Variants in PSMD12 observed in about 807,000 individuals in gnomAD.
PSMD12 encodes the protein 26S proteasome non-ATPase regulatory subunit 12.
PSMD12 carries 8 observed loss-of-function variants against 62.9 expected under a neutral mutation model. The observed-to-expected ratio is 0.13, with a 90% CI of 0.07 to 0.23. The LOEUF (loss-of-function observed/expected upper bound fraction) is 0.23. Ranked by LOEUF, PSMD12 falls within the 10% of genes least tolerant of loss-of-function variation. The pLI is 1.00. For synonymous variants in PSMD12, 173 were observed against 187.4 expected (o/e 0.92, Z 0.63); for missense variants, 424 against 550.2 (o/e 0.77, Z 2.29).
Position 67,348,639 on chromosome 17 carries a change from C to A in PSMD12, c.421G>T (p.Glu141Ter). The change falls in exon 5 of 11, where the codon GAG becomes TAG. Residue 141 changes from glutamate (E) to a stop codon, truncating the protein, a stop_gained. Transcript: ENST00000356126. LOFTEE classifies it high-confidence loss of function. Reference protein sequence around the residue: ...VTEGKIYVEIERARLTKTLAT... With the variant: ...VTEGKIYVEI ...AATGTTTTAGTCAGTCGCGCACGCT[C>A]AATTTCAACATAAATCTACAAATGA... 1 of 1,609,756 alleles carries A rather than the reference C, an allele frequency of 6.2e-7. No homozygotes were observed. Among genetic ancestry groups the A allele is most frequent in the South Asian group, 1.1e-5 (1 of 89,928 alleles).
intron 8 of PSMD12, 55 bp from the exon 9 acceptor site, chr17:67,344,835 A>G (rs2041949266): frequency 6.7e-6 from 9 of 1,352,780 alleles, no homozygotes; most frequent in Non-Finnish European, 8.9e-6. Flanking sequence ...AGTATTAACT[A>G]ATATAATAGC....
At chr17:67,350,852 A>T (rs1251404736) in intron 3 of PSMD12, among the ~76,000 whole-genome samples, 1 of 152,196 alleles carries the variant, frequency 6.6e-6, no homozygotes, top group Non-Finnish European at 1.5e-5. Context: ...ACATTCTATG[A>T]TCCAGGTCAC....
chr17:67,344,097 G>A (rs1445608683), intron 9 of PSMD12, among the ~76,000 whole-genome samples: 2 of 152,146 alleles, frequency 1.3e-5, no homozygotes, highest in Admixed American at 1.3e-4. Context: ...TTACATGAAG[G>A]AGTGAATGGC....
intron 4 of PSMD12, among the ~76,000 whole-genome samples, chr17:67,349,174 C>G (rs1448548837): frequency 6.6e-6 from 1 of 152,122 alleles, no homozygotes; most frequent in African/African-American, 2.4e-5. Context: ...CATGCGCCAC[C>G]ACGCCCAGCT....
intron 3 of PSMD12, among the ~76,000 whole-genome samples, chr17:67,355,186 C>T (rs2042056991): frequency 6.6e-6 from 1 of 151,160 alleles, no homozygotes; most frequent in South Asian, 2.1e-4. Flanking sequence ...TCTGCCTCCC[C>T]AGTCAACTGA....
intron 1 of PSMD12, among the ~76,000 whole-genome samples, chr17:67,363,162 T>C (rs1363424918): frequency 6.6e-6 from 1 of 152,210 alleles, no homozygotes; most frequent in Non-Finnish European, 1.5e-5. Flanking sequence ...ACAACTTTTT[T>C]TTTTTAAGAG....
At chr17:67,363,921 T>C (rs1408718198) in intron 1 of PSMD12, among the ~76,000 whole-genome samples, 3 of 151,954 alleles carry the variant, frequency 2.0e-5, no homozygotes, top group Non-Finnish European at 2.9e-5. Context: ...TAGTGGTGCA[T>C]GCCGGTAATC....
intron 4 of PSMD12, among the ~76,000 whole-genome samples, chr17:67,348,952 GGCCACT>G (rs1567955186): frequency 2.6e-5 from 4 of 152,040 alleles, no homozygotes; most frequent in African/African-American, 7.2e-5. Context: ...GCCATGATCA[GGCCACT>G]GCACTCTAGC....
intron 5 of PSMD12, among the ~76,000 whole-genome samples, chr17:67,348,199 A>C (rs997389150): frequency 2.6e-5 from 4 of 152,206 alleles, no homozygotes; most frequent in Non-Finnish European, 4.4e-5. Flanking sequence ...AGAAACTGCC[A>C]AACTGTTTTC....
rs766213525 is a variant in PSMD12 at position 67,339,592 on chromosome 17, G to A, written c.*1251C>T. On this transcript the variant is annotated 3_prime_UTR_variant, in exon 11 of 11. Coordinates refer to ENST00000356126, the MANE Select transcript of PSMD12 (RefSeq NM_002816.5). The stretch of plus-strand genomic sequence containing the variant: ...CCTGGGATCATAAAATAGGACAATT[G>A]ATAATCTTCCATTAAGTGGAAAATT... 2.6e-4 allele frequency: 40 copies of A among 152,146 alleles called. No individual in the cohort carries two copies. Among genetic ancestry groups the A allele is most frequent in the Non-Finnish European group, 3.1e-4 (21 of 68,032 alleles). The allele number at this position is 152,146 out of a possible 1,614,324, so 9.4% of individuals were successfully genotyped here. A position where few individuals can be genotyped will look rare whatever the true frequency, so the allele number is the denominator to read the frequency against.
intron 7 of PSMD12, 96 bp from the exon 8 acceptor site, chr17:67,345,953 A>C: frequency 6.8e-6 from 8 of 1,184,040 alleles, no homozygotes; most frequent in Non-Finnish European, 7.2e-6. Context: ...TATCCATTTC[A>C]AATTTTAAAG....
At chr17:67,351,606 G>A (rs779100706) in intron 3 of PSMD12, among the ~76,000 whole-genome samples, 2 of 151,732 alleles carry the variant, frequency 1.3e-5, no homozygotes, top group Non-Finnish European at 2.9e-5. Flanking sequence ...TTAGATTCAG[G>A]GGGTACATGT....
In PSMD12 at chr17:67,358,657, G is replaced by A. The variant is rs531753774; in HGVS notation, c.109-1079C>T. On this transcript the variant is annotated intron_variant, in intron 1 of 10. Coordinates refer to ENST00000356126, the MANE Select transcript of PSMD12 (RefSeq NM_002816.5). ...TTATGAAGTTACCGTCACCCTAACA[G>A]ATATTTTAAAATACAGAGTTCCAAG... is the stretch of plus-strand genomic sequence containing the variant. Among the ~76,000 whole-genome samples the A allele has an allele frequency of 5.9e-4, 88 of 150,012 alleles. 1 individual carries two copies. The highest frequency in any genetic ancestry group is 6.4e-4 in the South Asian group (3 of 4,698).
intron 5 of PSMD12, 96 bp downstream of exon 5, chr17:67,348,454 C>A: frequency 1.0e-6 from 1 of 993,314 alleles, no homozygotes; most frequent in African/African-American, 1.6e-5. Context: ...TTATTGGTCC[C>A]AAACATTTTG....
chr17:67,366,454 G>T lies in PSMD12; in HGVS notation c.66C>A (p.Ala22=), dbSNP rs754474820. ...ACTCGGGTAGGCGCTGATCCACCGTGGCGCTGTAGTCCACCTCCATCTTGA... is the reference window on the plus strand; with the variant it reads ...ACTCGGGTAGGCGCTGATCCACCGTTGCGCTGTAGTCCACCTCCATCTTGA... ...RIVKMEVDYS[A]TVDQRLPECA... The change falls in exon 1 of 11, where the codon GCC becomes GCA. Residue 22 remains alanine (A), a synonymous_variant. Transcript: ENST00000356126. 6.2e-7 allele frequency: 1 copy of T among 1,612,416 alleles called. No homozygotes were observed. Among genetic ancestry groups the T allele is most frequent in the East Asian group, 2.2e-5 (1 of 44,848 alleles).
At position 67,347,489 on chromosome 17, in the gene PSMD12, G is replaced by A; in HGVS notation, c.511-4C>T. On this transcript the variant is annotated splice_polypyrimidine_tract_variant and splice_region_variant and intron_variant, in intron 5 of 10. Transcript: ENST00000356126. Reference sequence around the variant, plus strand: ...CCATTGACCCGTAGGTTTCCACCTAGCACAGTAATTCCCCAAATAAGTTTA... The same window carrying A: ...CCATTGACCCGTAGGTTTCCACCTAACACAGTAATTCCCCAAATAAGTTTA... 1 of 1,604,642 alleles carries A rather than the reference G, an allele frequency of 6.2e-7. No individual in the cohort carries two copies. The highest frequency in any genetic ancestry group is 8.5e-7 in the Non-Finnish European group (1 of 1,177,660).
intron 3 of PSMD12, 138 bp from the exon 4 acceptor site, chr17:67,350,474 C>T: frequency 1.9e-6 from 1 of 532,284 alleles, no homozygotes. Flanking sequence ...AAGAACATCA[C>T]ATCGAAATCT....
intron 8 of PSMD12, among the ~76,000 whole-genome samples, chr17:67,345,406 C>A (rs2041955443): frequency 6.6e-6 from 1 of 152,132 alleles, no homozygotes; most frequent in African/African-American, 2.4e-5. Context: ...CTTTGGGTGG[C>A]CGAGGTGGGC....
intron 1 of PSMD12, among the ~76,000 whole-genome samples, chr17:67,361,908 AAG>A (rs2042132978): frequency 1.1e-5 from 1 of 89,760 alleles, no homozygotes; most frequent in African/African-American, 3.5e-5. Flanking sequence ...AAAAAAAAAA[AAG>A]GAAGGAAGGA....
Sources: gnomAD v4.1 joint callset for allele counts (sites outside exome capture counted in the v4.1 genomes callset) on GRCh38, gnomAD v4.1.1 for gene constraint, MANE v1.5 for transcripts, NCBI Gene and HGNC (gene_info 2026-07-23, HGNC 2026-07-21) for gene names.